Variants in STARD13 observed in about 807,000 individuals in gnomAD.
The protein encoded by STARD13 is StAR related lipid transfer domain containing 13, also known as stAR-related lipid transfer protein 13.
Under a neutral mutation model 106.4 loss-of-function variants are expected in STARD13, and 62 were observed. That is an observed-to-expected ratio of 0.58 (90% CI 0.48 to 0.72). STARD13 has a LOEUF of 0.72. Among genes scored for constraint, STARD13 ranks in the 30% least tolerant of loss-of-function variants. The pLI is 0.00. For missense variants in STARD13, 1,387 were observed against 1,424.0 expected (o/e 0.97, Z 0.42); for synonymous variants, 565 against 553.0 (o/e 1.02, Z -0.31).
intron 3 of STARD13, among the ~76,000 whole-genome samples, chr13:33,144,506 C>G (rs1566022358): frequency 6.6e-6 from 1 of 152,222 alleles, no homozygotes; most frequent in African/African-American, 2.4e-5. Flanking sequence ...TCAACTTTTT[C>G]TCACGTCGCT....
At chr13:33,399,105 T>A in the STARD13 span, among the ~76,000 whole-genome samples, 2 of 151,970 alleles carry the variant, frequency 1.3e-5, no homozygotes, top group Non-Finnish European at 1.5e-5. Context: ...TATAAATGGA[T>A]AAAGAAAATG....
chr13:33,283,318 A>G (rs777363007), intron 1 of STARD13, among the ~76,000 whole-genome samples: 1 of 152,186 alleles, frequency 6.6e-6, no homozygotes, highest in Non-Finnish European at 1.5e-5. Flanking sequence ...AGTCTAGTGT[A>G]TTGCAGAGCA....
the STARD13 span, among the ~76,000 whole-genome samples, chr13:33,623,761 T>C: frequency 2.6e-5 from 4 of 152,094 alleles, no homozygotes; most frequent in African/African-American, 9.7e-5. Flanking sequence ...CCTGTCTATA[T>C]ACTAAAAAGA....
chr13:33,364,433 G>T, the STARD13 span, among the ~76,000 whole-genome samples: 1 of 152,130 alleles, frequency 6.6e-6, no homozygotes, highest in African/African-American at 2.4e-5. Flanking sequence ...AATGAAATGG[G>T]TTACTCTTAA....
chr13:33,581,329 T>A, the STARD13 span, among the ~76,000 whole-genome samples: 1 of 152,148 alleles, frequency 6.6e-6, no homozygotes, highest in African/African-American at 2.4e-5. Flanking sequence ...TAAATAAAAA[T>A]GTTCAAAGAA....
Position 33,105,569 on chromosome 13 carries a change from G to T in STARD13, c.*24C>A. Reference sequence around the variant, plus strand: ...GTCACTTTAGCTTCCTCTTCCCTGAGTTTGATGTCACACTGGGCAAAACTC... The same window carrying T: ...GTCACTTTAGCTTCCTCTTCCCTGATTTTGATGTCACACTGGGCAAAACTC... On this transcript the variant is annotated 3_prime_UTR_variant, in exon 14 of 14. Coordinates refer to ENST00000336934, the MANE Select transcript of STARD13 (RefSeq NM_178006.4). 6.6e-7 allele frequency: 1 copy of T among 1,523,718 alleles called. No individual in the cohort carries two copies. The highest frequency in any genetic ancestry group is 9.1e-7 in the Non-Finnish European group (1 of 1,097,374). The allele number at this position is 1,523,718 out of a possible 1,614,324, so 94.4% of individuals were successfully genotyped here. A position where few individuals can be genotyped will look rare whatever the true frequency, so the allele number is the denominator to read the frequency against.
intron 1 of STARD13, among the ~76,000 whole-genome samples, chr13:33,184,360 GGCT>G (rs925059477): frequency 2.0e-5 from 3 of 152,144 alleles, no homozygotes; most frequent in Admixed American, 6.5e-5. Flanking sequence ...ATATGGGCAC[GGCT>G]GCTGCTGCTG....
At chr13:33,622,929 AAAAG>A in the STARD13 span, among the ~76,000 whole-genome samples, 1 of 142,446 alleles carries the variant, frequency 7.0e-6, no homozygotes, top group African/African-American at 3.0e-5. Context: ...AAAAAAAAAA[AAAAG>A]AAAGAAAATG....
At chr13:33,583,004 C>T in the STARD13 span, among the ~76,000 whole-genome samples, 1 of 152,218 alleles carries the variant, frequency 6.6e-6, no homozygotes. Context: ...TTCTCCACCT[C>T]ATCTCCTCCA....
At chr13:33,211,891 C>T (rs1009420215) in intron 1 of STARD13, among the ~76,000 whole-genome samples, 1 of 151,870 alleles carries the variant, frequency 6.6e-6, no homozygotes, top group African/African-American at 2.4e-5. Context: ...GTAAAATATA[C>T]ACATATGTCT....
chr13:33,608,959 G>A, the STARD13 span, among the ~76,000 whole-genome samples: 5 of 151,462 alleles, frequency 3.3e-5, no homozygotes, highest in African/African-American at 9.7e-5. Flanking sequence ...GGTGGCGGGC[G>A]CCTGTAGTCC....
At chr13:33,500,973 A>G in the STARD13 span, among the ~76,000 whole-genome samples, 4 of 151,596 alleles carry the variant, frequency 2.6e-5, no homozygotes, top group Admixed American at 2.6e-4. Context: ...TTTTTAAGGA[A>G]AAACAGTATA....
chr13:33,138,577 G>A (rs1314347830), intron 4 of STARD13: 1 of 198,462 alleles, frequency 5.0e-6, no homozygotes, highest in Non-Finnish European at 1.0e-5. Flanking sequence ...ATCCACAGCT[G>A]CAAAAGGCAA....
At chr13:33,131,473 C>T (rs1241377661) in intron 4 of STARD13, among the ~76,000 whole-genome samples, 1 of 151,724 alleles carries the variant, frequency 6.6e-6, no homozygotes, top group Non-Finnish European at 1.5e-5. Flanking sequence ...TGCTTGAAAG[C>T]CTCCACTCTC....
chr13:33,298,750 C>T (rs933485222), intron 1 of STARD13, among the ~76,000 whole-genome samples: 7 of 152,160 alleles, frequency 4.6e-5, no homozygotes, highest in African/African-American at 1.7e-4. Flanking sequence ...CAAGCAAAAG[C>T]AAACTAGTTG....
At chr13:33,190,499 G>T (rs1376397021) in intron 1 of STARD13, among the ~76,000 whole-genome samples, 5 of 151,968 alleles carry the variant, frequency 3.3e-5, no homozygotes, top group African/African-American at 1.2e-4. Flanking sequence ...TTAAGCATGT[G>T]GTTCTTAACA....
At chr13:33,408,337 A>C in the STARD13 span, among the ~76,000 whole-genome samples, 15 of 152,048 alleles carry the variant, frequency 9.9e-5, no homozygotes, top group African/African-American at 3.4e-4. Flanking sequence ...GCCCCTGGCA[A>C]CCTCCATTCT....
intron 1 of STARD13, among the ~76,000 whole-genome samples, chr13:33,276,475 T>C (rs894184481): frequency 1.3e-5 from 2 of 152,228 alleles, no homozygotes; most frequent in African/African-American, 4.8e-5. Context: ...TTCTTATTTC[T>C]TATAATAATT....
the STARD13 span, among the ~76,000 whole-genome samples, chr13:33,501,080 T>C: frequency 7.6e-6 from 1 of 131,484 alleles, no homozygotes; most frequent in Non-Finnish European, 1.6e-5. Flanking sequence ...TCTCTCTCCT[T>C]TTTTTTTTTT....
Sources: gnomAD v4.1 joint callset for allele counts (sites outside exome capture counted in the v4.1 genomes callset) on GRCh38, gnomAD v4.1.1 for gene constraint, MANE v1.5 for transcripts, NCBI Gene and HGNC (gene_info 2026-07-23, HGNC 2026-07-21) for gene names.